Variants in MIOS observed in about 807,000 individuals in gnomAD.
MIOS encodes the protein meiosis regulator for oocyte development.
MIOS carries 52 observed loss-of-function variants against 96.9 expected under a neutral mutation model. The ratio of observed to expected loss-of-function variants is 0.54; its 90% CI spans 0.43 to 0.68. The LOEUF (loss-of-function observed/expected upper bound fraction) is 0.68. Ranked by LOEUF, MIOS falls within the 30% of genes least tolerant of loss-of-function variation. The pLI, the probability that MIOS is intolerant of heterozygous loss-of-function variation, is 0.00. For missense variants in MIOS, 1,005 were observed against 1,052.8 expected (o/e 0.95, Z 0.63); for synonymous variants, 397 against 359.5 (o/e 1.10, Z -1.18).
chr7:7,597,711 T>G (rs1482209727), intron 11 of MIOS, among the ~76,000 whole-genome samples: 1 of 151,708 alleles, frequency 6.6e-6, no homozygotes, highest in African/African-American at 2.4e-5. Flanking sequence ...GTTTGTTTTG[T>G]TTTTTGAGAC....
At chr7:7,586,877 T>G (rs149337585) in intron 7 of MIOS, among the ~76,000 whole-genome samples, 43 of 152,284 alleles carry the variant, frequency 2.8e-4, no homozygotes, top group African/African-American at 1.0e-3. Context: ...TGATAGAGAC[T>G]AGATAAACAA....
At chr7:7,598,096 C>T (rs1373711407) in intron 11 of MIOS, among the ~76,000 whole-genome samples, 1 of 152,160 alleles carries the variant, frequency 6.6e-6, no homozygotes, top group African/African-American at 2.4e-5. Flanking sequence ...CAGCTCTTTA[C>T]CTAACTTGAA....
intron 5 of MIOS, among the ~76,000 whole-genome samples, chr7:7,578,990 C>T (rs1035642165): frequency 6.6e-6 from 1 of 152,166 alleles, no homozygotes; most frequent in Non-Finnish European, 1.5e-5. Context: ...GGATTACAGG[C>T]ATGAGCCATC....
chr7:7,576,943 T>C (rs1365229361), intron 5 of MIOS, among the ~76,000 whole-genome samples: 1 of 152,186 alleles, frequency 6.6e-6, no homozygotes, highest in East Asian at 1.9e-4. Flanking sequence ...ATTTTAAGTA[T>C]GTTAATTAGG....
At chr7:7,586,786 T>G (rs1021434251) in intron 7 of MIOS, among the ~76,000 whole-genome samples, 3 of 152,166 alleles carry the variant, frequency 2.0e-5, no homozygotes, top group African/African-American at 7.2e-5. Flanking sequence ...TTTTTAACTG[T>G]AATTAATCTT....
intron 5 of MIOS, among the ~76,000 whole-genome samples, chr7:7,579,747 G>A (rs773045495): frequency 6.6e-6 from 1 of 152,234 alleles, no homozygotes; most frequent in African/African-American, 2.4e-5. Flanking sequence ...GTCCTGGGCT[G>A]TGGGTTAGAC....
chr7:7,594,760 A>G (rs1238431832), intron 9 of MIOS, among the ~76,000 whole-genome samples: 1 of 151,790 alleles, frequency 6.6e-6, no homozygotes, highest in Non-Finnish European at 1.5e-5. Flanking sequence ...GGCAGGTATG[A>G]TATATAAAGT....
chr7:7,576,297 A>G (rs999710138), intron 5 of MIOS, among the ~76,000 whole-genome samples: 1 of 152,220 alleles, frequency 6.6e-6, no homozygotes, highest in African/African-American at 2.4e-5. Flanking sequence ...AAGAAGATAC[A>G]TAAATCTCTT....
At chr7:7,578,844 G>C (rs1783619889) in intron 5 of MIOS, among the ~76,000 whole-genome samples, 1 of 152,016 alleles carries the variant, frequency 6.6e-6, no homozygotes, top group Admixed American at 6.6e-5. Context: ...CTGAGTAGCT[G>C]GGATTACAGG....
Position 7,597,480 on chromosome 7 carries a change from ATATATATATATATATATAT to A in MIOS, c.2401+1020_2401+1038del, listed in dbSNP as rs1784240781. ...TTACCTAGTAAATTTATATATATATATATATATATATATATATATATATATATATATATATATGAAGGCA... is the reference window on the plus strand; with the variant it reads ...TTACCTAGTAAATTTATATATATATAATATATATATATATATATGAAGGCA... On this transcript the variant is annotated intron_variant, in intron 11 of 12. Transcript: ENST00000340080. Among the ~76,000 whole-genome samples the A allele has an allele frequency of 4.9e-4, 16 of 32,920 alleles. 2 individuals are homozygous for A. The highest frequency in any genetic ancestry group is 1.2e-3 in the African/African-American group (14 of 11,728). 21.6% of individuals were successfully genotyped at this position (32,920 alleles called of 152,430 possible). A position where few individuals can be genotyped will look rare whatever the true frequency, so the allele number is the denominator to read the frequency against.
chr7:7,574,196 G>A lies in MIOS; in HGVS notation c.1393G>A (p.Gly465Arg). The change falls in exon 5 of 13, where the codon GGA becomes AGA. Residue 465 changes from glycine to arginine, a missense_variant and splice_region_variant. Gly to Arg is a moderately radical substitution (Grantham distance 125). Coordinates refer to ENST00000340080, the MANE Select transcript of MIOS (RefSeq NM_019005.4). ...TAAATCAATTGTAAAGTCATCGTTG[G>A]GTAAGAAAATTCTATTTCATTTTCT... is the stretch of plus-strand genomic sequence containing the variant. ...GIKSIVKSSL[G>R]MVESSRHNWS... 6.3e-7 allele frequency: 1 copy of A among 1,590,042 alleles called. No individual in the cohort carries two copies. Among genetic ancestry groups the A allele is most frequent in the Non-Finnish European group, 8.6e-7 (1 of 1,166,884 alleles).
At chr7:7,576,627 C>T (rs1422570197) in intron 5 of MIOS, among the ~76,000 whole-genome samples, 1 of 152,052 alleles carries the variant, frequency 6.6e-6, no homozygotes, top group Non-Finnish European at 1.5e-5. Flanking sequence ...TGGGCTAACT[C>T]AAGAAAGACT....
chr7:7,576,582 A>G (rs564118248), intron 5 of MIOS, among the ~76,000 whole-genome samples: 28 of 152,176 alleles, frequency 1.8e-4, no homozygotes, highest in African/African-American at 6.8e-4. Flanking sequence ...TGAGAGAGGA[A>G]GTGAGGAAAG....
chr7:7,600,171 AG>A (rs774502618), intron 11 of MIOS, among the ~76,000 whole-genome samples: 3 of 139,938 alleles, frequency 2.1e-5, no homozygotes, highest in Non-Finnish European at 4.6e-5. Flanking sequence ...CTAAAGTAAA[AG>A]TTTAAAAAAA....
intron 11 of MIOS, among the ~76,000 whole-genome samples, chr7:7,604,295 G>T (rs1392302003): frequency 6.6e-6 from 1 of 152,062 alleles, no homozygotes; most frequent in Non-Finnish European, 1.5e-5. Context: ...ATCAGAGATT[G>T]CATCCATCCA....
At chr7:7,598,392 T>C (rs1425283141) in intron 11 of MIOS, among the ~76,000 whole-genome samples, 1 of 152,204 alleles carries the variant, frequency 6.6e-6, no homozygotes, top group Non-Finnish European at 1.5e-5. Flanking sequence ...TTAGCGATTA[T>C]TTTTCCATCT....
At chr7:7,589,050 A>G (rs773151791) in intron 8 of MIOS, among the ~76,000 whole-genome samples, 4 of 152,154 alleles carry the variant, frequency 2.6e-5, no homozygotes, top group Admixed American at 6.5e-5. Context: ...TGATGATCTT[A>G]AAGTTCCCTT....
intron 9 of MIOS, among the ~76,000 whole-genome samples, chr7:7,593,901 A>AAAAAAAAAAAAAAAAAAAAAC (rs376486803): frequency 1.4e-5 from 2 of 145,040 alleles, no homozygotes; most frequent in African/African-American, 2.5e-5. Flanking sequence ...AAAAAGAAAA[A>AAAAAAAAAAAAAAAAAAAAAC]GAAAAGAAAA....
At chr7:7,574,241 T>C in intron 5 of MIOS, 45 bp downstream of exon 5, 1 of 1,439,250 alleles carries the variant, frequency 6.9e-7, no homozygotes, top group Non-Finnish European at 9.6e-7. Context: ...TTATAACTTT[T>C]GTACTTTTAT....
Sources: gnomAD v4.1 joint callset for allele counts (sites outside exome capture counted in the v4.1 genomes callset) on GRCh38, gnomAD v4.1.1 for gene constraint, MANE v1.5 for transcripts, NCBI Gene and HGNC (gene_info 2026-07-23, HGNC 2026-07-21) for gene names.